The following CAMTA1 variants were observed in gnomAD, a reference collection of about 807,000 sequenced individuals.
CAMTA1 encodes calmodulin binding transcription activator 1.
In CAMTA1, 27 loss-of-function variants were observed where a neutral mutation model predicts 170.9. The observed-to-expected ratio is 0.16, with a 90% CI of 0.12 to 0.22. The LOEUF is 0.22. Among genes scored for constraint, CAMTA1 ranks in the 10% least tolerant of loss-of-function variants. CAMTA1 has a pLI of 1.00. For synonymous variants in CAMTA1, 833 were observed against 891.5 expected, an observed-to-expected ratio of 0.93 and a Z score of 1.17; for missense variants, 1,619 against 2,217.2, an observed-to-expected ratio of 0.73 and a Z score of 5.42.
intron 1 of CAMTA1, chr1:6,807,092 C>T (rs938286252): frequency 3.7e-5 from 23 of 622,470 alleles, no homozygotes; most frequent in Admixed American, 1.4e-4. Flanking sequence ...TGTGAAGGTG[C>T]GTGCAATATG....
intron 6 of CAMTA1, among the ~76,000 whole-genome samples, chr1:7,516,688 G>A (rs1334417691): frequency 6.6e-6 from 1 of 152,188 alleles, no homozygotes; most frequent in Admixed American, 6.5e-5. Context: ...AGGGACTGAG[G>A]TGGTCACACC....
rs1210361360 is a variant in CAMTA1 at position 6,934,221 on chromosome 1, A to C, written c.234+109011A>C. Among the ~76,000 whole-genome samples the C allele has an allele frequency of 6.6e-6, 1 of 152,196 alleles. No homozygotes were observed. Among genetic ancestry groups the C allele is most frequent in the East Asian group, 1.9e-4 (1 of 5,194 alleles). On this transcript the variant is annotated intron_variant, in intron 3 of 22. Transcript: ENST00000303635. This position sits in a 1 kb window ranked among gnomAD's most constrained non-coding sequence, Gnocchi z 4.5. Reference sequence around the variant, plus strand: ...CACTCTGCATTGACCTTAGGGTTTCAGGATGGGATGCTTTTGGCTGAGCCC... The same window carrying C: ...CACTCTGCATTGACCTTAGGGTTTCCGGATGGGATGCTTTTGGCTGAGCCC...
chr1:6,939,292 T>G (rs1262711089), intron 3 of CAMTA1, among the ~76,000 whole-genome samples: 1 of 152,256 alleles, frequency 6.6e-6, no homozygotes, highest in Non-Finnish European at 1.5e-5. Context: ...TTTACATTAA[T>G]TTTTATTAAG....
chr1:7,328,316 A>G (rs1430530274), intron 5 of CAMTA1, among the ~76,000 whole-genome samples: 2 of 150,834 alleles, frequency 1.3e-5, no homozygotes, highest in Non-Finnish European at 2.9e-5. Flanking sequence ...AACATGGCAA[A>G]ATGCCTTCTT....
chr1:7,295,575 C>T (rs187451584), intron 5 of CAMTA1, among the ~76,000 whole-genome samples: 55 of 152,312 alleles, frequency 3.6e-4, no homozygotes, highest in African/African-American at 1.1e-3. Flanking sequence ...TACTTCCAGG[C>T]GTTCATCATT....
rs984186847 is a variant in CAMTA1 at position 7,063,166 on chromosome 1, C to G, written c.235-28138C>G. On this transcript the variant is annotated intron_variant, in intron 3 of 22. Transcript: ENST00000303635. The surrounding 1 kb of genome is among the most constrained non-coding windows in gnomAD (Gnocchi z 4.3). The stretch of plus-strand genomic sequence containing the variant: ...ACCATTGTGTTCCCAGCATCTCTGG[C>G]AGGATGCTGATCGGATAACCAGTGC... Among the ~76,000 whole-genome samples the G allele has an allele frequency of 3.3e-5, 5 of 152,160 alleles. No individual in the cohort carries two copies. The highest frequency in any genetic ancestry group is 7.3e-5 in the Non-Finnish European group (5 of 68,052).
chr1:7,221,906 T>TACACACACACACACACACACACACACAC (rs34399218), intron 4 of CAMTA1, among the ~76,000 whole-genome samples: 50 of 147,648 alleles, frequency 3.4e-4, no homozygotes, highest in African/African-American at 1.2e-3. Context: ...AGCTGGTGCA[T>TACACACACACACACACACACACACACAC]ACACACACAC....
intron 5 of CAMTA1, among the ~76,000 whole-genome samples, chr1:7,282,516 G>A (rs1671668059): frequency 6.6e-6 from 1 of 152,160 alleles, no homozygotes; most frequent in Non-Finnish European, 1.5e-5. Context: ...TTTCTGGGTA[G>A]CATTTGATGA....
intron 3 of CAMTA1, among the ~76,000 whole-genome samples, chr1:6,955,239 T>A (rs756399752): frequency 8.5e-5 from 13 of 152,106 alleles, no homozygotes; most frequent in Non-Finnish European, 1.5e-4. Flanking sequence ...TAGACGATAG[T>A]GACGGTGATG....
intron 3 of CAMTA1, among the ~76,000 whole-genome samples, chr1:6,856,047 G>A (rs1417125435): frequency 3.3e-5 from 5 of 152,168 alleles, no homozygotes; most frequent in Non-Finnish European, 7.3e-5. Context: ...CTCACTGGAG[G>A]TACCCTGCTA....
chr1:7,661,583 T>C, intron 7 of CAMTA1, 143 bp from the exon 8 acceptor site: 1 of 893,900 alleles, frequency 1.1e-6, no homozygotes, highest in East Asian at 2.5e-5. Context: ...CCTCCTCCCC[T>C]ACTCATCAAT....
intron 3 of CAMTA1, among the ~76,000 whole-genome samples, chr1:6,948,946 G>A (rs1688011525): frequency 6.6e-6 from 1 of 152,168 alleles, no homozygotes; most frequent in Non-Finnish European, 1.5e-5. Flanking sequence ...CCTGACGTGT[G>A]TCTCCTTGTG....
In CAMTA1 at chr1:7,349,515, G is replaced by A. The variant is rs554845121; in HGVS notation, c.438+99889G>A. Among the ~76,000 whole-genome samples the A allele has an allele frequency of 5.1e-4, 77 of 152,348 alleles. 1 individual carries two copies. In the South Asian group the frequency reaches 8.5e-3, roughly 17 times the overall value. ...ACTCTGGCTGCCATGACAAGGCACC[G>A]CACACGGGGCGACGTACGCAGCAGC... On this transcript the variant is annotated intron_variant, in intron 5 of 22. Transcript: ENST00000303635.
chr1:7,175,347 A>G (rs1650572666), intron 4 of CAMTA1, among the ~76,000 whole-genome samples: 1 of 152,248 alleles, frequency 6.6e-6, no homozygotes, highest in African/African-American at 2.4e-5. Flanking sequence ...AATGTCTGAT[A>G]TTGGAATTAC....
chr1:6,959,751 T>C (rs922641126), intron 3 of CAMTA1, among the ~76,000 whole-genome samples: 4 of 152,200 alleles, frequency 2.6e-5, no homozygotes, highest in Admixed American at 2.6e-4. Flanking sequence ...GAGGTTACGT[T>C]GCTCTTGTAA....
rs536896613 is a variant in CAMTA1 at position 7,763,498 on chromosome 1, T to G, written c.4990-2961T>G. ...CACCTCTCCTTAACCTCGTGGTCTGTGAGGCCATCACTAATTTCATAGAGT... is the reference window on the plus strand; with the variant it reads ...CACCTCTCCTTAACCTCGTGGTCTGGGAGGCCATCACTAATTTCATAGAGT... On this transcript the variant is annotated intron_variant, in intron 22 of 22. Transcript: ENST00000303635. 3.3e-5 allele frequency among the ~76,000 whole-genome samples: 5 copies of G among 152,346 alleles called. No individual in the cohort carries two copies. In the South Asian group the frequency reaches 1.0e-3, roughly 32 times the overall value.
At chr1:6,947,425 G>T (rs1687755273) in intron 3 of CAMTA1, among the ~76,000 whole-genome samples, 3 of 151,650 alleles carry the variant, frequency 2.0e-5, no homozygotes, top group African/African-American at 7.3e-5. Flanking sequence ...GCCCAGGCTG[G>T]AGTGCAGTAG....
At chr1:7,298,426 G>A (rs925661697) in intron 5 of CAMTA1, among the ~76,000 whole-genome samples, 1 of 152,100 alleles carries the variant, frequency 6.6e-6, no homozygotes, top group Non-Finnish European at 1.5e-5. Context: ...GGGCCAGTGA[G>A]TATCTTTTTC....
intron 5 of CAMTA1, among the ~76,000 whole-genome samples, chr1:7,430,432 A>G (rs2092103119): frequency 6.6e-6 from 1 of 151,540 alleles, no homozygotes; most frequent in Admixed American, 6.6e-5. Context: ...ATGATGGTGG[A>G]GGTGACAGTG....
Sources: allele counts gnomAD v4.1 joint callset (sites outside exome capture counted in the v4.1 genomes callset), GRCh38; gene constraint gnomAD v4.1.1; non-coding constraint Gnocchi (gnomAD v3.1); transcripts MANE v1.5; gene names NCBI Gene and HGNC (gene_info 2026-07-23, HGNC 2026-07-21).